NELL2: variants seen among roughly 807,000 people sequenced by gnomAD.
NELL2 encodes the protein neural EGFL like 2, also known as protein kinase C-binding protein NELL2.
In NELL2, 41 loss-of-function variants were observed where a neutral mutation model predicts 109.6. The observed-to-expected ratio is 0.37, with a 90% CI of 0.29 to 0.49. The LOEUF (loss-of-function observed/expected upper bound fraction) is 0.49. Ranked by LOEUF, NELL2 falls within the 20% of genes least tolerant of loss-of-function variation. NELL2 has a pLI of 0.98. For missense variants in NELL2, 900 were observed against 1,008.3 expected (o/e 0.89, Z 1.45); for synonymous variants, 355 against 344.7 (o/e 1.03, Z -0.33).
chr12:44,753,259 C>G (rs982203339), intron 9 of NELL2, among the ~76,000 whole-genome samples: 12 of 152,136 alleles, frequency 7.9e-5, no homozygotes, highest in African/African-American at 2.9e-4. Context: ...GCATTTACTA[C>G]TCTCCATCCA....
At chr12:44,822,902 G>A (rs1424180720) in intron 2 of NELL2, among the ~76,000 whole-genome samples, 1 of 152,096 alleles carries the variant, frequency 6.6e-6, no homozygotes, top group Non-Finnish European at 1.5e-5. Flanking sequence ...CAATGTGCTA[G>A]GTATTCCCTA....
At chr12:44,891,722 A>G (rs1337771463) in intron 1 of NELL2, among the ~76,000 whole-genome samples, 1 of 152,082 alleles carries the variant, frequency 6.6e-6, no homozygotes, top group African/African-American at 2.4e-5. Flanking sequence ...GCTTGAGTCT[A>G]CCTTAGTCAT....
chr12:44,776,890 A>C, intron 7 of NELL2, 152 bp downstream of exon 7: 2 of 652,840 alleles, frequency 3.1e-6, no homozygotes, highest in African/African-American at 1.8e-5. Flanking sequence ...AATATTTATA[A>C]GCCTTTCCTT....
At chr12:44,535,409 A>T (rs906269657) in intron 15 of NELL2, among the ~76,000 whole-genome samples, 3 of 152,034 alleles carry the variant, frequency 2.0e-5, no homozygotes, top group African/African-American at 7.2e-5. Flanking sequence ...TTACATATTC[A>T]GTATTTATTG....
intron 12 of NELL2, among the ~76,000 whole-genome samples, chr12:44,665,969 T>C (rs748617992): frequency 1.3e-4 from 20 of 152,192 alleles, no homozygotes; most frequent in Non-Finnish European, 2.6e-4. Flanking sequence ...CACATATTAT[T>C]GTTTGATTCA....
intron 3 of NELL2, among the ~76,000 whole-genome samples, chr12:44,783,266 T>C (rs373841253): frequency 3.3e-5 from 5 of 150,596 alleles, no homozygotes; most frequent in East Asian, 3.9e-4. Flanking sequence ...TAGCACTAAA[T>C]GCATATATTA....
intron 9 of NELL2, among the ~76,000 whole-genome samples, chr12:44,769,634 T>C (rs987229389): frequency 2.0e-5 from 3 of 152,064 alleles, no homozygotes; most frequent in Non-Finnish European, 4.4e-5. Flanking sequence ...ATCAAATACA[T>C]ACATAACTAA....
intron 1 of NELL2, among the ~76,000 whole-genome samples, chr12:44,896,719 T>G (rs999219765): frequency 1.3e-5 from 2 of 151,160 alleles, no homozygotes; most frequent in Non-Finnish European, 3.0e-5. Flanking sequence ...GAGGAGGGAG[T>G]GTTTGACCTC....
chr12:44,525,748 G>A (rs533435516), intron 16 of NELL2, among the ~76,000 whole-genome samples: 2 of 152,316 alleles, frequency 1.3e-5, no homozygotes, highest in East Asian at 3.9e-4. Context: ...CAGCTGTCAT[G>A]TAACTTGGTC....
chr12:44,875,288 A>C lies in NELL2; in HGVS notation c.121T>G (p.Ser41Ala). 1 of 1,613,878 alleles carries C rather than the reference A, an allele frequency of 6.2e-7. No homozygotes were observed. The highest frequency in any genetic ancestry group is 1.3e-5 in the African/African-American group (1 of 74,944). The change falls in exon 2 of 20, where the codon TCC becomes GCC. Residue 41 changes from serine (S) to alanine (A), a missense_variant. By Grantham distance (99) the Ser-to-Ala change is moderately conservative. Coordinates refer to ENST00000429094, the MANE Select transcript of NELL2 (RefSeq NM_001145108.2). ...DVLTELELGE[S>A]TTGVRQVPGL... ...GGGACCTGACGCACTCCGGTCGTGG[A>C]CTCCCCAAGTTCTAACTCTGTTAAG... is the stretch of plus-strand genomic sequence containing the variant.
intron 5 of NELL2, among the ~76,000 whole-genome samples, chr12:44,778,711 G>T (rs535254692): frequency 5.9e-5 from 9 of 152,236 alleles, no homozygotes; most frequent in African/African-American, 2.2e-4. Flanking sequence ...CTATCTTTAA[G>T]CAAGTTACTT....
At chr12:44,591,891 T>A (rs966236743) in intron 15 of NELL2, among the ~76,000 whole-genome samples, 1 of 152,210 alleles carries the variant, frequency 6.6e-6, no homozygotes, top group African/African-American at 2.4e-5. Flanking sequence ...TATGTACTAC[T>A]ATTATGTGCC....
At chr12:44,880,247 T>C (rs1945396790), upstream of NELL2, among the ~76,000 whole-genome samples, 1 of 151,886 alleles carries the variant, frequency 6.6e-6, no homozygotes, top group Non-Finnish European at 1.5e-5. Context: ...TGATTGGAGA[T>C]ATTTTTAAAG....
chr12:44,901,514 A>G (rs1005850699), intron 1 of NELL2, among the ~76,000 whole-genome samples: 1 of 152,128 alleles, frequency 6.6e-6, no homozygotes, highest in Non-Finnish European at 1.5e-5. Context: ...ATTCCAAACA[A>G]CAGAAAAAGA....
intron 13 of NELL2, among the ~76,000 whole-genome samples, chr12:44,641,664 T>C (rs1946860560): frequency 6.7e-6 from 1 of 150,166 alleles, no homozygotes; most frequent in Non-Finnish European, 1.5e-5. Flanking sequence ...GTATTTAAAC[T>C]CGTGAGGACT....
chr12:44,645,400 C>T (rs1947058229), intron 13 of NELL2, among the ~76,000 whole-genome samples: 1 of 152,118 alleles, frequency 6.6e-6, no homozygotes, highest in Non-Finnish European at 1.5e-5. Context: ...GGAAGGGAGA[C>T]AAAGACAAGG....
intron 9 of NELL2, among the ~76,000 whole-genome samples, chr12:44,716,620 T>C (rs1938501033): frequency 6.6e-6 from 1 of 152,150 alleles, no homozygotes; most frequent in African/African-American, 2.4e-5. Flanking sequence ...GCATATTGCA[T>C]GTTTAATTAT....
intron 15 of NELL2, among the ~76,000 whole-genome samples, chr12:44,587,976 C>T (rs949913964): frequency 2.6e-5 from 4 of 151,882 alleles, no homozygotes; most frequent in African/African-American, 9.7e-5. Flanking sequence ...ATGGTGAAAC[C>T]CCGTCTCTAC....
intron 15 of NELL2, among the ~76,000 whole-genome samples, chr12:44,557,075 C>T (rs566512461): frequency 1.1e-4 from 16 of 152,302 alleles, no homozygotes; most frequent in Middle Eastern, 3.4e-3. Context: ...TCTCAGCATG[C>T]TAATGGCTGA....
Sources: gnomAD v4.1 joint callset for allele counts (sites outside exome capture counted in the v4.1 genomes callset) on GRCh38, gnomAD v4.1.1 for gene constraint, MANE v1.5 for transcripts, NCBI Gene and HGNC (gene_info 2026-07-23, HGNC 2026-07-21) for gene names.